The following DAPK1 variants were observed in gnomAD, a reference collection of about 807,000 sequenced individuals.
DAPK1 encodes the protein death-associated protein kinase 1.
In DAPK1, 56 loss-of-function variants were observed where a neutral mutation model predicts 144.9. That is an observed-to-expected ratio of 0.39 (90% CI 0.31 to 0.48). DAPK1 has a LOEUF of 0.48. DAPK1 is among the 20% of genes least tolerant of loss of function. The probability of loss-of-function intolerance (pLI) is 0.95; values close to 1 mark genes in which losing one functional copy is unlikely to be tolerated. For missense variants in DAPK1, 1,454 were observed against 1,875.4 expected (o/e 0.78, Z 4.15); for synonymous variants, 690 against 749.0 (o/e 0.92, Z 1.29).
chr9:87,577,106 T>A (rs1208459404), intron 2 of DAPK1, among the ~76,000 whole-genome samples: 1 of 152,182 alleles, frequency 6.6e-6, no homozygotes, highest in Non-Finnish European at 1.5e-5. Flanking sequence ...CCCTCAAATA[T>A]ATACGGGAAT....
intron 2 of DAPK1, among the ~76,000 whole-genome samples, chr9:87,575,750 A>G (rs11141901): frequency 0.28 from 43,277 of 152,088 alleles, 6,531 homozygotes; most frequent in East Asian, 0.48. Flanking sequence ...TTGACCTAAC[A>G]GCAAACACAA....
chr9:87,594,405 C>T (rs914722906), intron 2 of DAPK1, among the ~76,000 whole-genome samples: 5 of 152,200 alleles, frequency 3.3e-5, no homozygotes, highest in Non-Finnish European at 7.3e-5. Flanking sequence ...GCACACCGCC[C>T]ACTGGGCACT....
chr9:87,532,299 T>G (rs771792521), intron 2 of DAPK1, among the ~76,000 whole-genome samples: 1 of 152,202 alleles, frequency 6.6e-6, no homozygotes, highest in Non-Finnish European at 1.5e-5. Flanking sequence ...GAAAATGATA[T>G]GAGATTCAGA....
chr9:87,537,028 C>T (rs1290559406), intron 2 of DAPK1, among the ~76,000 whole-genome samples: 1 of 151,468 alleles, frequency 6.6e-6, no homozygotes, highest in Non-Finnish European at 1.5e-5. Flanking sequence ...CACACAGTCA[C>T]CCAGTCTGGA....
intron 19 of DAPK1, among the ~76,000 whole-genome samples, chr9:87,674,514 C>CA (rs35817698): frequency 0.17 from 11,803 of 67,482 alleles, 1,428 homozygotes; most frequent in African/African-American, 0.24. Flanking sequence ...GACTCTGTCT[C>CA]AAAAAAAAAA....
At chr9:87,536,060 A>G (rs978585635) in intron 2 of DAPK1, among the ~76,000 whole-genome samples, 1 of 152,324 alleles carries the variant, frequency 6.6e-6, no homozygotes, top group African/African-American at 2.4e-5. Context: ...GGGGCTTGCC[A>G]GCTGATTCAT....
chr9:87,672,069 C>G (rs1239998998), intron 19 of DAPK1, among the ~76,000 whole-genome samples: 1 of 152,212 alleles, frequency 6.6e-6, no homozygotes, highest in Non-Finnish European at 1.5e-5. Flanking sequence ...CTACCTCCCA[C>G]GACCGTGATA....
At chr9:87,658,942 C>T (rs567994991) in intron 18 of DAPK1, among the ~76,000 whole-genome samples, 1 of 152,330 alleles carries the variant, frequency 6.6e-6, no homozygotes, top group East Asian at 1.9e-4. Context: ...GTTAGCAAAC[C>T]ATGGCCCACG....
chr9:87,571,493 A>ACACACACCC (rs1564001003), intron 2 of DAPK1, among the ~76,000 whole-genome samples: 1 of 47,042 alleles, frequency 2.1e-5, no homozygotes, highest in Non-Finnish European at 3.7e-5. Flanking sequence ...ACACACACAC[A>ACACACACCC]CCCCAACACA....
intron 19 of DAPK1, among the ~76,000 whole-genome samples, chr9:87,669,765 G>GT (rs1301919319): frequency 9.3e-5 from 5 of 54,028 alleles, no homozygotes; most frequent in Non-Finnish European, 3.3e-4. Context: ...GCCAGGGGCA[G>GT]GGGGGGGCCA....
At chr9:87,571,527 A>ACACAC (rs1554684291) in intron 2 of DAPK1, among the ~76,000 whole-genome samples, 2 of 141,294 alleles carry the variant, frequency 1.4e-5, no homozygotes, top group African/African-American at 5.6e-5. Context: ...ACACACACAC[A>ACACAC]CCAGAAGCGA....
At chr9:87,619,532 A>C (rs1234540251) in intron 3 of DAPK1, among the ~76,000 whole-genome samples, 1 of 152,186 alleles carries the variant, frequency 6.6e-6, no homozygotes, top group South Asian at 2.1e-4. Flanking sequence ...AGCCACAGGC[A>C]CTGCTTCCCG....
At position 87,640,796 on chromosome 9, in the gene DAPK1, C is replaced by A. The variant is rs1050743902; in HGVS notation, c.783-6C>A. ...GCATTTTTTTTCTTCTCCCCCTCCC[C>A]TCAAGGAAGAGAATGACAATTCAAG... On this transcript the variant is annotated splice_polypyrimidine_tract_variant and splice_region_variant and intron_variant, in intron 8 of 25. Transcript: ENST00000408954. The A allele has an allele frequency of 6.2e-7, 1 of 1,614,152 alleles. No homozygotes were observed. The highest frequency in any genetic ancestry group is 1.6e-4 in the Middle Eastern group (1 of 6,062).
intron 3 of DAPK1, among the ~76,000 whole-genome samples, chr9:87,626,152 G>A (rs10780865): frequency 0.49 from 74,657 of 152,078 alleles, 19,437 homozygotes; most frequent in East Asian, 0.78. Flanking sequence ...GCAGTGACTC[G>A]CACCTGTAAT....
chr9:87,693,848 CTG>C (rs1825163676), intron 21 of DAPK1, among the ~76,000 whole-genome samples: 1 of 151,970 alleles, frequency 6.6e-6, no homozygotes, highest in Non-Finnish European at 1.5e-5. Context: ...CCAGTGGTGC[CTG>C]TAATTTTCTC....
rs1248416760 is a variant in DAPK1 at position 87,523,163 on chromosome 9, GCAGCCA to G, written c.62+24025_62+24030del. Among the ~76,000 whole-genome samples the G allele has an allele frequency of 2.6e-5, 4 of 152,224 alleles. 1 individual carries two copies. The highest frequency in any genetic ancestry group is 7.2e-5 in the African/African-American group (3 of 41,532). The stretch of plus-strand genomic sequence containing the variant: ...CGTTAAGTCCATTCACATTGGTTGT[GCAGCCA>G]TCACCACTATCCATCTCCAGAAGTC... On this transcript the variant is annotated intron_variant, in intron 2 of 25. Transcript: ENST00000408954.
In DAPK1 at chr9:87,649,956, C is replaced by A; in HGVS notation, c.1464C>A (p.His488Gln). The change falls in exon 16 of 26, where the codon CAC (histidine) becomes CAA (glutamine). Residue 488 changes from histidine (H) to glutamine (Q), a missense_variant. Coordinates refer to ENST00000408954, the MANE Select transcript of DAPK1 (RefSeq NM_004938.4). ...EETPLHCAAW[H>Q]GYYSVAKALC... Reference sequence around the variant, plus strand: ...CCCCCCTGCACTGTGCTGCTTGGCACGGCTATTACTCTGTGGCCAAAGCCC... The same window carrying A: ...CCCCCCTGCACTGTGCTGCTTGGCAAGGCTATTACTCTGTGGCCAAAGCCC... 6.2e-7 allele frequency: 1 copy of A among 1,614,176 alleles called. No individual in the cohort carries two copies. Among genetic ancestry groups the A allele is most frequent in the South Asian group, 1.1e-5 (1 of 91,088 alleles).
intron 2 of DAPK1, 54 bp from the exon 3 acceptor site, chr9:87,604,900 T>G: frequency 6.4e-7 from 1 of 1,562,558 alleles, no homozygotes; most frequent in Non-Finnish European, 8.8e-7. Flanking sequence ...ACATCCTCAC[T>G]CAAATCCTGT....
At chr9:87,655,852 G>A (rs138337666) in intron 17 of DAPK1, among the ~76,000 whole-genome samples, 7 of 152,322 alleles carry the variant, frequency 4.6e-5, no homozygotes, top group Admixed American at 1.3e-4. Context: ...CTGTGCACAC[G>A]CACACATCTG....
Sources: gnomAD v4.1 joint callset for allele counts (sites outside exome capture counted in the v4.1 genomes callset) on GRCh38, gnomAD v4.1.1 for gene constraint, MANE v1.5 for transcripts, NCBI Gene and HGNC (gene_info 2026-07-23, HGNC 2026-07-21) for gene names.